Variants in COLGALT2 observed in about 807,000 individuals in gnomAD.
COLGALT2 encodes collagen beta(1-O)galactosyltransferase 2.
In COLGALT2, 49 loss-of-function variants were observed where a neutral mutation model predicts 73.4. The observed-to-expected ratio is 0.67, with a 90% CI of 0.53 to 0.85. The LOEUF (loss-of-function observed/expected upper bound fraction) is 0.85, where lower values mean the gene tolerates loss of function less well. COLGALT2 is among the 40% of genes least tolerant of loss of function. The pLI is 0.00. For missense variants in COLGALT2, 722 were observed against 790.2 expected (o/e 0.91, Z 1.03); for synonymous variants, 295 against 307.6 (o/e 0.96, Z 0.43).
At chr1:184,025,247 T>A (rs1412622028) in intron 1 of COLGALT2, among the ~76,000 whole-genome samples, 1 of 152,204 alleles carries the variant, frequency 6.6e-6, no homozygotes, top group Non-Finnish European at 1.5e-5. Flanking sequence ...GAAATGAGGA[T>A]CCAGTGTGTC....
rs1244796527 is a variant in COLGALT2, at chr1:183,937,688, C to T, written c.*1073G>A. 4 of 985,326 alleles carry T rather than the reference C, an allele frequency of 4.1e-6. No individual in the cohort carries two copies. Among genetic ancestry groups the T allele is most frequent in the Admixed American group, 6.1e-5 (1 of 16,262 alleles). 61.0% of individuals were successfully genotyped at this position (985,326 alleles called of 1,614,324 possible). A position where few individuals can be genotyped will look rare whatever the true frequency, so the allele number is the denominator to read the frequency against. The stretch of plus-strand genomic sequence containing the variant: ...AATGTGTCCACACCCACCACTCCCC[C>T]GGGTGCCGTGGAAGTCTGCAACATC... On this transcript the variant is annotated 3_prime_UTR_variant, in exon 12 of 12. Coordinates refer to ENST00000361927, the MANE Select transcript of COLGALT2 (RefSeq NM_015101.4).
intron 5 of COLGALT2, among the ~76,000 whole-genome samples, chr1:183,965,170 T>C (rs575318802): frequency 4.1e-4 from 62 of 152,356 alleles, no homozygotes; most frequent in Middle Eastern, 6.8e-3. Context: ...TCATTAGCTC[T>C]GCTGTTTGCC....
At position 183,938,745 on chromosome 1, in the gene COLGALT2, C is replaced by T. The variant is rs761251293; in HGVS notation, c.*16G>A. The T allele has an allele frequency of 1.1e-5, 17 of 1,612,960 alleles. No individual in the cohort carries two copies. The highest frequency in any genetic ancestry group is 1.7e-4 in the Middle Eastern group (1 of 5,988). On this transcript the variant is annotated 3_prime_UTR_variant, in exon 12 of 12. Coordinates refer to ENST00000361927, the MANE Select transcript of COLGALT2 (RefSeq NM_015101.4). ...GAGGATGTTGAACTGATGTGGGCCA[C>T]ACTCCCAGGGAGCCTTCATAGCTCA...
chr1:183,932,608 C>T (rs1457737330), downstream of COLGALT2, among the ~76,000 whole-genome samples: 5 of 152,124 alleles, frequency 3.3e-5, no homozygotes, highest in African/African-American at 4.8e-5. Context: ...AGCTGGAGGG[C>T]GTCCAGGGCT....
rs1649732494 is a variant in COLGALT2, at chr1:184,037,486, C to T, written c.-129G>A. On this transcript the variant is annotated 5_prime_UTR_variant, in exon 1 of 12. Coordinates refer to ENST00000361927, the MANE Select transcript of COLGALT2 (RefSeq NM_015101.4). ...GCCGGGGGATGCGGCTTGCCGCGGC[C>T]GGCCGGCTCACACACTGGCCTCGGC... 8.5e-7 allele frequency: 1 copy of T among 1,180,450 alleles called. No individual in the cohort carries two copies. Among genetic ancestry groups the T allele is most frequent in the African/African-American group, 1.6e-5 (1 of 62,282 alleles). The allele number at this position is 1,180,450 out of a possible 1,614,324, so 73.1% of individuals were successfully genotyped here.
rs143020950 is a variant in COLGALT2, at chr1:183,984,360, G to A, written c.264-5840C>T. On this transcript the variant is annotated intron_variant, in intron 1 of 11. Coordinates refer to ENST00000361927, the MANE Select transcript of COLGALT2 (RefSeq NM_015101.4). Reference sequence around the variant, plus strand: ...GCGGAGACTGCAGTGAGCTGAGATCGTGCCACTGCACTCCAGCCTGGGTGA... The same window carrying A: ...GCGGAGACTGCAGTGAGCTGAGATCATGCCACTGCACTCCAGCCTGGGTGA... 2.7e-3 allele frequency among the ~76,000 whole-genome samples: 409 copies of A among 152,336 alleles called. 2 individuals carry two copies. The highest frequency in any genetic ancestry group is 6.8e-3 in the Middle Eastern group (2 of 294).
At chr1:184,036,012 A>G (rs1443889479) in intron 1 of COLGALT2, among the ~76,000 whole-genome samples, 1 of 152,128 alleles carries the variant, frequency 6.6e-6, no homozygotes, top group African/African-American at 2.4e-5. Context: ...TCTTTGCCCA[A>G]CCGCTGCTTT....
Position 183,938,958 on chromosome 1 carries a change from A to T in COLGALT2, c.1684T>A (p.Tyr562Asn). ...AEPLLIYPTH[Y>N]TGQPGYLSDT... ...CTCAGGTACCCCGGCTGGCCTGTGT[A>T]GTGCGTAGGGTAGATGAGCAAGGGT... The change falls in exon 12 of 12, where the codon TAC (tyrosine) becomes AAC (asparagine). Residue 562 changes from tyrosine to asparagine, a missense_variant. Physicochemically the swap from Tyr to Asn is moderately radical, Grantham distance 143. Transcript: ENST00000361927. 1 of 1,614,110 alleles carries T rather than the reference A, an allele frequency of 6.2e-7. No homozygotes were observed. The highest frequency in any genetic ancestry group is 8.5e-7 in the Non-Finnish European group (1 of 1,180,024).
At chr1:183,987,263 C>T (rs1671513877) in intron 1 of COLGALT2, among the ~76,000 whole-genome samples, 1 of 152,234 alleles carries the variant, frequency 6.6e-6, no homozygotes, top group African/African-American at 2.4e-5. Flanking sequence ...CTTCTTCCCA[C>T]CTTTTTCACC....
chr1:183,963,753 G>T, intron 6 of COLGALT2, 148 bp downstream of exon 6: 1 of 885,636 alleles, frequency 1.1e-6, no homozygotes, highest in Non-Finnish European at 1.6e-6. Context: ...GAAAAATTTA[G>T]GAAAGAATGA....
At chr1:183,984,556 C>G (rs981537419) in intron 1 of COLGALT2, among the ~76,000 whole-genome samples, 5 of 152,212 alleles carry the variant, frequency 3.3e-5, no homozygotes, top group Admixed American at 1.3e-4. Context: ...CTCCCTTCCA[C>G]TTTTAGGGGA....
rs889019851 is a variant in COLGALT2, at chr1:183,936,919, T to C, written c.*1842A>G. 2.7e-5 allele frequency: 33 copies of C among 1,231,666 alleles called. No homozygotes were observed. The highest frequency in any genetic ancestry group is 3.0e-5 in the Non-Finnish European group (30 of 988,014). The allele number at this position is 1,231,666 out of a possible 1,614,324, so 76.3% of individuals were successfully genotyped here. A position where few individuals can be genotyped will look rare whatever the true frequency, so the allele number is the denominator to read the frequency against. On this transcript the variant is annotated 3_prime_UTR_variant, in exon 12 of 12. Transcript: ENST00000361927. ...GTCTGGTGGAAGGCAAGCTGCCTCT[T>C]GTCCTAAAGTGGGGACCCGCCCCTC...
At chr1:183,941,123 T>C (rs970839503) in intron 10 of COLGALT2, among the ~76,000 whole-genome samples, 5 of 152,088 alleles carry the variant, frequency 3.3e-5, no homozygotes, top group African/African-American at 1.2e-4. Flanking sequence ...TTTACAGAGG[T>C]TGGAAAGGCA....
chr1:183,999,260 A>G (rs183696644), intron 1 of COLGALT2, among the ~76,000 whole-genome samples: 2 of 152,236 alleles, frequency 1.3e-5, no homozygotes, highest in Admixed American at 6.5e-5. Flanking sequence ...ATATGATAAA[A>G]TGCATCTGTA....
At chr1:184,000,593 AT>A (rs1409422162) in intron 1 of COLGALT2, among the ~76,000 whole-genome samples, 3 of 134,722 alleles carry the variant, frequency 2.2e-5, no homozygotes, top group Non-Finnish European at 4.7e-5. Context: ...AAGTCAATTA[AT>A]TTAAGATCCA....
Position 183,975,257 on chromosome 1 carries a change from G to A in COLGALT2, c.375-43C>T, listed in dbSNP as rs748157848. 5 of 1,232,172 alleles carry A rather than the reference G, an allele frequency of 4.1e-6. No homozygotes were observed. The African/African-American group carries it at 4.5e-5, about 11-fold the overall frequency. 76.3% of individuals were successfully genotyped at this position (1,232,172 alleles called of 1,614,324 possible). On this transcript the variant is annotated intron_variant, in intron 2 of 11. Transcript: ENST00000361927. ...GCTCATCATTATTGAGTGCCTACAT[G>A]TACCAGGCTCTGTCCTAAATGTTTA...
chr1:184,034,076 ATC>A, intron 1 of COLGALT2, among the ~76,000 whole-genome samples: 1 of 152,302 alleles, frequency 6.6e-6, no homozygotes, highest in East Asian at 1.9e-4. Context: ...AATCTGTAAC[ATC>A]CTAAACTGAG....
At chr1:184,016,621 C>T (rs545321013) in intron 1 of COLGALT2, among the ~76,000 whole-genome samples, 9 of 152,246 alleles carry the variant, frequency 5.9e-5, no homozygotes, top group African/African-American at 2.2e-4. Flanking sequence ...GGGCTGGAAG[C>T]TTATATAACC....
chr1:183,967,702 C>T (rs972476700), intron 5 of COLGALT2, among the ~76,000 whole-genome samples: 2 of 152,228 alleles, frequency 1.3e-5, no homozygotes, highest in Admixed American at 1.3e-4. Context: ...TTTCTTGGAA[C>T]ATCCTAACTT....
Sources: allele counts gnomAD v4.1 joint callset (sites outside exome capture counted in the v4.1 genomes callset), GRCh38; gene constraint gnomAD v4.1.1; transcripts MANE v1.5; gene names NCBI Gene and HGNC (gene_info 2026-07-23, HGNC 2026-07-21).